Variants in C16orf74 observed in about 807,000 individuals in gnomAD.
C16orf74 encodes uncharacterized protein C16orf74.
C16orf74 carries 10 observed loss-of-function variants against 6.5 expected under a neutral mutation model. The ratio of observed to expected loss-of-function variants is 1.54; its 90% CI spans 0.95 to 2.61. The LOEUF is 2.61. C16orf74 is among the 30% of genes most tolerant of loss of function. The pLI is 0.00. For missense variants in C16orf74, 141 were observed against 105.9 expected, an observed-to-expected ratio of 1.33 and a Z score of -1.45; for synonymous variants, 60 against 42.5, an observed-to-expected ratio of 1.41 and a Z score of -1.60.
chr16:85,710,379 A>G, intron 2 of C16orf74, 72 bp from the exon 3 acceptor site: 1 of 1,395,506 alleles, frequency 7.2e-7, no homozygotes. Context: ...GCCGCCGGGA[A>G]CCGCGGGCGC....
chr16:85,746,649 C>A (rs976795162), intron 1 of C16orf74, among the ~76,000 whole-genome samples: 1 of 152,164 alleles, frequency 6.6e-6, no homozygotes, highest in Non-Finnish European at 1.5e-5. Context: ...GAAGAAGAGT[C>A]ACAGCTGAAG....
chr16:85,744,929 G>C (rs1226730257), intron 1 of C16orf74, among the ~76,000 whole-genome samples: 1 of 151,366 alleles, frequency 6.6e-6, no homozygotes, highest in African/African-American at 2.4e-5. Context: ...ATCACCTGAG[G>C]TTGGGAGTTC....
chr16:85,728,246 G>A (rs917260617), intron 2 of C16orf74, among the ~76,000 whole-genome samples: 4 of 152,194 alleles, frequency 2.6e-5, no homozygotes, highest in Non-Finnish European at 5.9e-5. Flanking sequence ...CCGTGTGAGT[G>A]TAAGTTGTTC....
At chr16:85,739,667 G>A (rs1386108258) in intron 1 of C16orf74, among the ~76,000 whole-genome samples, 1 of 151,912 alleles carries the variant, frequency 6.6e-6, no homozygotes, top group East Asian at 1.9e-4. Context: ...AGTCATGGTG[G>A]TGCATGCCTG....
chr16:85,708,691 G>T (rs1161621828), intron 3 of C16orf74, among the ~76,000 whole-genome samples: 1 of 152,330 alleles, frequency 6.6e-6, no homozygotes, highest in Non-Finnish European at 1.5e-5. Flanking sequence ...GCGCCCCATT[G>T]CACCCACCAT....
chr16:85,742,593 C>G (rs557085089), intron 1 of C16orf74, among the ~76,000 whole-genome samples: 1 of 152,110 alleles, frequency 6.6e-6, no homozygotes, highest in Admixed American at 6.5e-5. Context: ...CCAGGCTAGA[C>G]TGCAATGGTG....
Position 85,707,986 on chromosome 16 carries a change from C to CA in C16orf74, c.*21dup, listed in dbSNP as rs1035103998. 1.3e-6 allele frequency: 2 copies of CA among 1,550,702 alleles called. No homozygotes were observed. The highest frequency in any genetic ancestry group is 2.7e-5 in the African/African-American group (2 of 73,082). On this transcript the variant is annotated 3_prime_UTR_variant, in exon 4 of 4. Coordinates refer to ENST00000284245, the MANE Select transcript of C16orf74 (RefSeq NM_206967.3). ...CCGGGCCGCTGGAGCAGGAGCCAGC[C>CA]AGCCAAACCCAGGACACCTCCTCAG...
intron 2 of C16orf74, among the ~76,000 whole-genome samples, chr16:85,730,059 G>A (rs1175850339): frequency 6.6e-6 from 1 of 152,178 alleles, no homozygotes; most frequent in Non-Finnish European, 1.5e-5. Flanking sequence ...TAGGGAAGGG[G>A]CCTGTGTCTT....
intron 1 of C16orf74, among the ~76,000 whole-genome samples, chr16:85,748,027 A>C (rs1268365787): frequency 3.3e-5 from 5 of 151,938 alleles, no homozygotes; most frequent in Non-Finnish European, 5.9e-5. Flanking sequence ...TAGAGGTTGC[A>C]GTGAGCTGGT....
intron 2 of C16orf74, among the ~76,000 whole-genome samples, chr16:85,711,722 G>C (rs1248895703): frequency 3.3e-5 from 5 of 152,064 alleles, no homozygotes; most frequent in African/African-American, 1.2e-4. Flanking sequence ...CCATCACTTT[G>C]GTTTTGCCCC....
At chr16:85,746,061 C>G (rs1338206456) in intron 1 of C16orf74, among the ~76,000 whole-genome samples, 2 of 152,166 alleles carry the variant, frequency 1.3e-5, no homozygotes, top group African/African-American at 2.4e-5. Flanking sequence ...TTAAACTTAG[C>G]TGGGGCTGGG....
Position 85,708,241 on chromosome 16 carries a change from C to T in C16orf74, c.173-175G>A, listed in dbSNP as rs539585471. ...GGATCCTTCTGGGTGAATCGGACCCCGGAACTGCTTCAGTTTAAGAGGAAC... is the reference window on the plus strand; with the variant it reads ...GGATCCTTCTGGGTGAATCGGACCCTGGAACTGCTTCAGTTTAAGAGGAAC... On this transcript the variant is annotated intron_variant, in intron 3 of 3. Transcript: ENST00000284245. Among the ~76,000 whole-genome samples the T allele has an allele frequency of 4.9e-4, 74 of 152,300 alleles. 3 individuals are homozygous for T. In the South Asian group the frequency reaches 0.013, roughly 28 times the overall value.
chr16:85,735,629 C>T (rs1428142018), intron 1 of C16orf74, among the ~76,000 whole-genome samples: 8 of 151,988 alleles, frequency 5.3e-5, no homozygotes, highest in Non-Finnish European at 1.2e-4. Flanking sequence ...GACCTGCCAG[C>T]AGGGCTCGGG....
intron 2 of C16orf74, among the ~76,000 whole-genome samples, chr16:85,722,475 C>T (rs1232669064): frequency 6.6e-6 from 1 of 152,138 alleles, no homozygotes; most frequent in Admixed American, 6.5e-5. Context: ...TTTGCAGCTC[C>T]AGGTAGGAGC....
Position 85,744,837 on chromosome 16 carries a change from A to AC in C16orf74, c.-19+6088_-19+6089insG, listed in dbSNP as rs1268731343. Among the ~76,000 whole-genome samples, 24 of 122,754 alleles carry AC rather than the reference A, an allele frequency of 2.0e-4. 1 individual carries two copies. The highest frequency in any genetic ancestry group is 6.2e-4 in the African/African-American group (22 of 35,284). 80.5% of individuals were successfully genotyped at this position (122,754 alleles called of 152,430 possible). A position where few individuals can be genotyped will look rare whatever the true frequency, so the allele number is the denominator to read the frequency against. ...AGAGCAAGACTCCATCTCAAAAAAA[A>AC]AAAAAAAAAAAAACTCTCCGTCAGC... On this transcript the variant is annotated intron_variant, in intron 1 of 3. Coordinates refer to ENST00000284245, the MANE Select transcript of C16orf74 (RefSeq NM_206967.3).
intron 2 of C16orf74, among the ~76,000 whole-genome samples, chr16:85,733,069 A>T (rs1054048355): frequency 3.3e-5 from 5 of 152,150 alleles, no homozygotes; most frequent in African/African-American, 1.2e-4. Flanking sequence ...GCTGGAAGAA[A>T]AGTGGTCCCA....
At chr16:85,715,425 G>GA (rs1229827780) in intron 2 of C16orf74, among the ~76,000 whole-genome samples, 2 of 152,166 alleles carry the variant, frequency 1.3e-5, no homozygotes, top group Non-Finnish European at 2.9e-5. Flanking sequence ...ACCCACAACT[G>GA]AACAGCTAGT....
At chr16:85,729,537 C>G (rs371980) in intron 2 of C16orf74, among the ~76,000 whole-genome samples, 13 of 152,240 alleles carry the variant, frequency 8.5e-5, no homozygotes, top group African/African-American at 3.1e-4. Flanking sequence ...CAGAGGTGAA[C>G]TGACTTAATG....
Position 85,710,182 on chromosome 16 carries a change from T to C in C16orf74, c.154A>G (p.Arg52Gly), listed in dbSNP as rs747903346. ...GCCTCACCTGTGCTCCCCAAGTCCC[T>C]CGGCAGCATCATGCCCGTGGGGGTG... ...PPTPTGMMLPRDLGSTVWLDE... is the reference protein window; with the variant it reads ...PPTPTGMMLPGDLGSTVWLDE... The change falls in exon 3 of 4, where the codon AGG (arginine) becomes GGG (glycine). Residue 52 changes from arginine to glycine, a missense_variant. Transcript: ENST00000284245. 2.7e-6 allele frequency: 4 copies of C among 1,469,454 alleles called. No homozygotes were observed. The South Asian group carries it at 6.0e-5, about 22-fold the overall frequency. 91.0% of individuals were successfully genotyped at this position (1,469,454 alleles called of 1,614,324 possible). A position where few individuals can be genotyped will look rare whatever the true frequency, so the allele number is the denominator to read the frequency against.
Sources: allele counts gnomAD v4.1 joint callset (sites outside exome capture counted in the v4.1 genomes callset), GRCh38; gene constraint gnomAD v4.1.1; transcripts MANE v1.5; gene names NCBI Gene and HGNC (gene_info 2026-07-23, HGNC 2026-07-21).